The following WASF3 variants were observed in gnomAD, a reference collection of about 807,000 sequenced individuals.
The protein encoded by WASF3 is WASP family member 3.
A neutral mutation model predicts 46.6 loss-of-function variants in WASF3; 11 were observed. That is an observed-to-expected ratio of 0.24 (90% CI 0.15 to 0.39). WASF3 has a LOEUF of 0.39. WASF3 is among the 10% of genes least tolerant of loss of function. WASF3 has a pLI of 1.00. For synonymous variants in WASF3, 242 were observed against 259.7 expected, an observed-to-expected ratio of 0.93 and a Z score of 0.65; for missense variants, 576 against 669.8, an observed-to-expected ratio of 0.86 and a Z score of 1.55.
intron 3 of WASF3, among the ~76,000 whole-genome samples, chr13:26,658,822 G>A (rs540742624): frequency 1.3e-5 from 2 of 152,162 alleles, no homozygotes; most frequent in Non-Finnish European, 2.9e-5. Flanking sequence ...GAGCACAGAG[G>A]GGGTCAAATG....
At chr13:26,550,590 T>C in the WASF3 span, among the ~76,000 whole-genome samples, 5 of 152,222 alleles carry the variant, frequency 3.3e-5, no homozygotes, top group African/African-American at 1.2e-4. Context: ...ATTAGTTTAA[T>C]TCAAGAGCTC....
At chr13:26,677,169 A>C (rs796179247) in intron 7 of WASF3, among the ~76,000 whole-genome samples, 55 of 152,362 alleles carry the variant, frequency 3.6e-4, no homozygotes, top group African/African-American at 1.2e-3. Flanking sequence ...CCTTTGAAAA[A>C]ATGATGAACA....
the WASF3 span, among the ~76,000 whole-genome samples, chr13:26,549,658 C>CTCA: frequency 6.6e-6 from 1 of 152,122 alleles, no homozygotes; most frequent in Admixed American, 6.5e-5. Context: ...CCTTAGATGA[C>CTCA]TCATCTGTCA....
intron 1 of WASF3, among the ~76,000 whole-genome samples, chr13:26,576,675 C>G (rs1258598737): frequency 1.3e-5 from 2 of 152,176 alleles, no homozygotes; most frequent in Admixed American, 6.5e-5. Flanking sequence ...ATCTGAAGAT[C>G]ATATTCATTT....
chr13:26,571,135 C>T (rs1278530265), intron 1 of WASF3, among the ~76,000 whole-genome samples: 1 of 151,766 alleles, frequency 6.6e-6, no homozygotes, highest in Non-Finnish European at 1.5e-5. Context: ...AATTTTTGCA[C>T]CTTTTCTGTT....
At chr13:26,569,230 G>A (rs949773614) in intron 1 of WASF3, among the ~76,000 whole-genome samples, 1 of 152,046 alleles carries the variant, frequency 6.6e-6, no homozygotes, top group African/African-American at 2.4e-5. Flanking sequence ...AAAGGATATA[G>A]ATGATTTGAA....
chr13:26,633,634 A>C (rs934906000), intron 2 of WASF3, among the ~76,000 whole-genome samples: 2 of 152,208 alleles, frequency 1.3e-5, no homozygotes, highest in Admixed American at 6.5e-5. Context: ...ATTTAGTGCT[A>C]TAAATTTCCC....
chr13:26,595,973 A>G (rs1290076162), intron 1 of WASF3, among the ~76,000 whole-genome samples: 6 of 152,188 alleles, frequency 3.9e-5, no homozygotes, highest in Admixed American at 3.9e-4. Context: ...AGGTTTTTCT[A>G]TGAATATATT....
intron 1 of WASF3, among the ~76,000 whole-genome samples, chr13:26,565,481 A>G (rs566231068): frequency 1.3e-5 from 2 of 152,324 alleles, no homozygotes; most frequent in Admixed American, 1.3e-4. Context: ...TTTTCAATAT[A>G]AATGTAAAAA....
At chr13:26,668,180 G>A (rs899344028) in intron 5 of WASF3, among the ~76,000 whole-genome samples, 1 of 152,158 alleles carries the variant, frequency 6.6e-6, no homozygotes, top group African/African-American at 2.4e-5. Context: ...GGTAGGACAC[G>A]TTATCAGGAC....
At chr13:26,574,107 T>A (rs1879718694) in intron 1 of WASF3, among the ~76,000 whole-genome samples, 1 of 152,220 alleles carries the variant, frequency 6.6e-6, no homozygotes, top group African/African-American at 2.4e-5. Flanking sequence ...ATATTTTTTG[T>A]GATATTTCCA....
Position 26,633,623 on chromosome 13 carries a change from C to T in WASF3, c.-10-8638C>T, listed in dbSNP as rs112330219. On this transcript the variant is annotated intron_variant, in intron 2 of 9. Coordinates refer to ENST00000335327, the MANE Select transcript of WASF3 (RefSeq NM_006646.6). ...GATCTTTCCTGCTTTCTCTTGTGGG[C>T]ATTTAGTGCTATAAATTTCCCTCTA... is the stretch of plus-strand genomic sequence containing the variant. Among the ~76,000 whole-genome samples the T allele has an allele frequency of 5.2e-3, 799 of 152,256 alleles. 6 individuals are homozygous for T. Among genetic ancestry groups the T allele is most frequent in the African/African-American group, 0.018 (763 of 41,542 alleles).
intron 3 of WASF3, among the ~76,000 whole-genome samples, chr13:26,647,583 T>C (rs1282570616): frequency 2.0e-5 from 3 of 152,208 alleles, no homozygotes; most frequent in Non-Finnish European, 4.4e-5. Flanking sequence ...TATAATTTGC[T>C]TAAAAAGGAG....
chr13:26,558,054 C>T (rs1378671949), intron 1 of WASF3, among the ~76,000 whole-genome samples: 1 of 151,584 alleles, frequency 6.6e-6, no homozygotes, highest in African/African-American at 2.4e-5. Context: ...AGGGGCTTCT[C>T]GCCGTCACGG....
At chr13:26,573,163 G>T (rs1191462806) in intron 1 of WASF3, among the ~76,000 whole-genome samples, 1 of 152,060 alleles carries the variant, frequency 6.6e-6, no homozygotes, top group Non-Finnish European at 1.5e-5. Flanking sequence ...AATTTAGTTG[G>T]CCTAAGCTTT....
At chr13:26,614,279 CT>C (rs1881067886) in intron 2 of WASF3, among the ~76,000 whole-genome samples, 1 of 152,146 alleles carries the variant, frequency 6.6e-6, no homozygotes, top group East Asian at 1.9e-4. Flanking sequence ...GATTTCCATA[CT>C]TTCACTTTAC....
chr13:26,624,249 A>T (rs1327093994), intron 2 of WASF3, among the ~76,000 whole-genome samples: 1 of 152,246 alleles, frequency 6.6e-6, no homozygotes, highest in Non-Finnish European at 1.5e-5. Context: ...TATCAACAGA[A>T]ATAAGGAAAC....
At chr13:26,665,310 T>C in intron 4 of WASF3, 148 bp downstream of exon 4, 1 of 949,250 alleles carries the variant, frequency 1.1e-6, no homozygotes. Context: ...GGGAAAAACC[T>C]ACAACTTTGT....
At chr13:26,567,005 G>T (rs1879485996) in intron 1 of WASF3, among the ~76,000 whole-genome samples, 1 of 152,152 alleles carries the variant, frequency 6.6e-6, no homozygotes, top group Non-Finnish European at 1.5e-5. Context: ...GCTTTGAATT[G>T]GTTACATTGA....
Sources: gnomAD v4.1 joint callset for allele counts (sites outside exome capture counted in the v4.1 genomes callset) on GRCh38, gnomAD v4.1.1 for gene constraint, MANE v1.5 for transcripts, NCBI Gene and HGNC (gene_info 2026-07-23, HGNC 2026-07-21) for gene names.